The following RAD54L2 variants were observed in gnomAD, a reference collection of about 807,000 sequenced individuals.
The protein encoded by RAD54L2 is RAD54 like 2, also known as helicase ARIP4.
Under a neutral mutation model 138.4 loss-of-function variants are expected in RAD54L2, and 27 were observed. That is an observed-to-expected ratio of 0.20 (90% CI 0.14 to 0.27). RAD54L2 has a LOEUF of 0.27. Ranked by LOEUF, RAD54L2 falls within the 10% of genes least tolerant of loss-of-function variation. The pLI is 1.00. For synonymous variants in RAD54L2, 644 were observed against 723.2 expected (o/e 0.89, Z 1.76); for missense variants, 1,396 against 1,890.2 (o/e 0.74, Z 4.85).
intron 2 of RAD54L2, among the ~76,000 whole-genome samples, chr3:51,586,116 C>T (rs929044463): frequency 1.3e-5 from 2 of 151,886 alleles, no homozygotes; most frequent in South Asian, 2.1e-4. Context: ...CCCACATAGA[C>T]GTATGTGTGT....
intron 2 of RAD54L2, among the ~76,000 whole-genome samples, chr3:51,559,298 A>G (rs865882604): frequency 4.6e-5 from 7 of 152,322 alleles, no homozygotes; most frequent in South Asian, 2.1e-4. Flanking sequence ...CTAACCTCTT[A>G]TAAGGAATCT....
chr3:51,650,180 A>C (rs1264585466), intron 19 of RAD54L2, among the ~76,000 whole-genome samples: 1 of 152,224 alleles, frequency 6.6e-6, no homozygotes, highest in African/African-American at 2.4e-5. Flanking sequence ...AGATCAAAGG[A>C]GACAAAGAAG....
chr3:51,630,989 T>G, intron 7 of RAD54L2, 58 bp downstream of exon 7: 1 of 1,494,594 alleles, frequency 6.7e-7, no homozygotes. Context: ...TTGTGAACAT[T>G]GCCTGCTGGT....
chr3:51,598,197 A>T (rs1376158547), intron 3 of RAD54L2, among the ~76,000 whole-genome samples: 1 of 147,112 alleles, frequency 6.8e-6, no homozygotes, highest in East Asian at 2.0e-4. Flanking sequence ...ATATATATAT[A>T]TTTGGCTTAT....
At chr3:51,549,349 C>T (rs868947730) in intron 2 of RAD54L2, among the ~76,000 whole-genome samples, 1 of 152,150 alleles carries the variant, frequency 6.6e-6, no homozygotes, top group Non-Finnish European at 1.5e-5. Flanking sequence ...GAGAGCTCTA[C>T]TCTCTTTACA....
intron 2 of RAD54L2, among the ~76,000 whole-genome samples, chr3:51,558,643 T>C (rs1384401073): frequency 6.6e-6 from 1 of 152,008 alleles, no homozygotes; most frequent in African/African-American, 2.4e-5. Context: ...GCTAATTCTT[T>C]AATTATTGTA....
chr3:51,559,753 G>A (rs1193045688), intron 2 of RAD54L2, among the ~76,000 whole-genome samples: 2 of 152,178 alleles, frequency 1.3e-5, no homozygotes, highest in African/African-American at 4.8e-5. Context: ...TACATATTAT[G>A]GTGGAAGATG....
At position 51,657,193 on chromosome 3, in the gene RAD54L2, AT is replaced by A. The variant is rs201231593; in HGVS notation, c.3227-385del. On this transcript the variant is annotated intron_variant, in intron 20 of 22. Transcript: ENST00000684192. ...TGGGGTAATGCCAGCAAGGAAGAAG[AT>A]TAGGCCATTTTTGGAGCCTAAAGTG... Among the ~76,000 whole-genome samples the A allele has an allele frequency of 4.9e-3, 751 of 152,338 alleles. 4 individuals carry two copies. The highest frequency in any genetic ancestry group is 7.8e-3 in the Non-Finnish European group (532 of 68,024).
chr3:51,546,399 A>G (rs1357721366), intron 2 of RAD54L2, among the ~76,000 whole-genome samples: 17 of 147,682 alleles, frequency 1.2e-4, no homozygotes, highest in Middle Eastern at 7.9e-3. Flanking sequence ...CCAGCACCTT[A>G]GGAGGCTGAG....
intron 2 of RAD54L2, among the ~76,000 whole-genome samples, chr3:51,562,060 G>A (rs546711120): frequency 1.3e-5 from 2 of 148,168 alleles, no homozygotes; most frequent in African/African-American, 2.5e-5. Flanking sequence ...CCCTGAGACC[G>A]AGTCTCACTC....
At chr3:51,576,214 A>G (rs1053803415) in intron 2 of RAD54L2, among the ~76,000 whole-genome samples, 3 of 152,190 alleles carry the variant, frequency 2.0e-5, no homozygotes, top group Non-Finnish European at 4.4e-5. Context: ...ATCGTGATGG[A>G]TAAGCTTTTT....
intron 3 of RAD54L2, among the ~76,000 whole-genome samples, chr3:51,610,207 A>C (rs1361596595): frequency 6.6e-6 from 1 of 152,170 alleles, no homozygotes; most frequent in Non-Finnish European, 1.5e-5. Flanking sequence ...CTATAACATA[A>C]GACTTTACCT....
intron 2 of RAD54L2, among the ~76,000 whole-genome samples, chr3:51,557,760 G>A (rs1699006243): frequency 6.8e-6 from 1 of 146,990 alleles, no homozygotes; most frequent in African/African-American, 2.5e-5. Flanking sequence ...AAACCAGAAA[G>A]TGGAGGTTGC....
At chr3:51,573,656 G>A (rs910770639) in intron 2 of RAD54L2, among the ~76,000 whole-genome samples, 1 of 152,152 alleles carries the variant, frequency 6.6e-6, no homozygotes, top group African/African-American at 2.4e-5. Context: ...TTTTAGTAGA[G>A]ATGGGGTTTT....
intron 2 of RAD54L2, among the ~76,000 whole-genome samples, chr3:51,545,118 A>G (rs539903220): frequency 3.0e-4 from 46 of 152,288 alleles, no homozygotes; most frequent in African/African-American, 9.6e-4. Flanking sequence ...CTGGAGCTGT[A>G]TGTTCTGAGT....
In RAD54L2 at chr3:51,637,614, T is replaced by C. The variant is rs564383817; in HGVS notation, c.1682+111T>C. On this transcript the variant is annotated intron_variant, in intron 11 of 22. Coordinates refer to ENST00000684192, the MANE Select transcript of RAD54L2 (RefSeq NM_015106.4). The surrounding 1 kb of genome is among the most constrained non-coding windows in gnomAD (Gnocchi z 5.9). ...TGTTGGAGTAGGAGGGCCCCTTCCC[T>C]GGGGCAGTAGTAAAACTTTGCTTCC... 3.8e-5 allele frequency: 40 copies of C among 1,062,478 alleles called. No homozygotes were observed. In the African/African-American group the frequency reaches 6.1e-4, roughly 16 times the overall value. 65.8% of individuals were successfully genotyped at this position (1,062,478 alleles called of 1,614,324 possible). A position where few individuals can be genotyped will look rare whatever the true frequency, so the allele number is the denominator to read the frequency against.
At chr3:51,607,402 T>C (rs1443143593) in intron 3 of RAD54L2, among the ~76,000 whole-genome samples, 1 of 152,168 alleles carries the variant, frequency 6.6e-6, no homozygotes, top group Non-Finnish European at 1.5e-5. Flanking sequence ...CAGCACATGT[T>C]TCAGAGAGCA....
intron 7 of RAD54L2, 87 bp from the exon 8 acceptor site, chr3:51,633,490 C>G: frequency 7.5e-7 from 1 of 1,329,738 alleles, no homozygotes; most frequent in East Asian, 2.3e-5. Flanking sequence ...TTCTCACTTA[C>G]TTAATTCTTA....
rs1244921116 is a variant in RAD54L2 at position 51,638,350 on chromosome 3, A to T, written c.1860+29A>T. The T allele has an allele frequency of 6.2e-7, 1 of 1,611,576 alleles. No homozygotes were observed. Among genetic ancestry groups the T allele is most frequent in the Non-Finnish European group, 8.5e-7 (1 of 1,178,848 alleles). On this transcript the variant is annotated intron_variant, in intron 12 of 22. Coordinates refer to ENST00000684192, the MANE Select transcript of RAD54L2 (RefSeq NM_015106.4). This position sits in a 1 kb window ranked among gnomAD's most constrained non-coding sequence, Gnocchi z 4.3. Reference sequence around the variant, plus strand: ...CATTGGGGCCTCAGGGAAGATTGAGATGGGGACTAAGGATACACATGGTCC... The same window carrying T: ...CATTGGGGCCTCAGGGAAGATTGAGTTGGGGACTAAGGATACACATGGTCC...
Sources: allele counts gnomAD v4.1 joint callset (sites outside exome capture counted in the v4.1 genomes callset), GRCh38; gene constraint gnomAD v4.1.1; non-coding constraint Gnocchi (gnomAD v3.1); transcripts MANE v1.5; gene names NCBI Gene and HGNC (gene_info 2026-07-23, HGNC 2026-07-21).